Variants in CDC42BPA observed in about 807,000 individuals in gnomAD.
The protein encoded by CDC42BPA is serine/threonine-protein kinase MRCK alpha.
Under a neutral mutation model 223.5 loss-of-function variants are expected in CDC42BPA, and 80 were observed. That is an observed-to-expected ratio of 0.36 (90% CI 0.30 to 0.43). CDC42BPA has a LOEUF of 0.43. CDC42BPA is among the 20% of genes least tolerant of loss of function. The probability of loss-of-function intolerance (pLI) is 1.00; values close to 1 mark genes in which losing one functional copy is unlikely to be tolerated. For missense variants in CDC42BPA, 1,743 were observed against 2,099.9 expected, an observed-to-expected ratio of 0.83 and a Z score of 3.32; for synonymous variants, 694 against 718.6, an observed-to-expected ratio of 0.97 and a Z score of 0.55.
At chr1:227,239,995 T>C (rs1243226093) in intron 2 of CDC42BPA, among the ~76,000 whole-genome samples, 2 of 152,110 alleles carry the variant, frequency 1.3e-5, no homozygotes, top group South Asian at 2.1e-4. Flanking sequence ...AATCCTATTA[T>C]CAGACAGCAG....
intron 2 of CDC42BPA, among the ~76,000 whole-genome samples, chr1:227,237,811 C>T (rs933728795): frequency 3.5e-4 from 53 of 151,426 alleles, no homozygotes; most frequent in South Asian, 1.5e-3. Context: ...GAGGCCGAGG[C>T]GGGCGGATCA....
chr1:227,025,823 C>T (rs971854878), intron 31 of CDC42BPA, among the ~76,000 whole-genome samples: 1 of 152,072 alleles, frequency 6.6e-6, no homozygotes, highest in Non-Finnish European at 1.5e-5. Context: ...ATAATAATAA[C>T]AATCATACTT....
Position 226,994,778 on chromosome 1 carries a change from C to T in CDC42BPA, c.5133+45G>A. ...TGGTGGGATTGCCTGGGAAGATGCC[C>T]TAGTCTTTCTGATACATGACGTCTC... On this transcript the variant is annotated intron_variant, in intron 36 of 36. Coordinates refer to ENST00000366766, the MANE Select transcript of CDC42BPA (RefSeq NM_001394014.1). This position sits in a 1 kb window ranked among gnomAD's most constrained non-coding sequence, Gnocchi z 4.0. The T allele has an allele frequency of 1.3e-6, 2 of 1,553,140 alleles. No homozygotes were observed. Among genetic ancestry groups the T allele is most frequent in the East Asian group, 2.3e-5 (1 of 43,898 alleles).
At chr1:227,035,888 T>A (rs367981983) in intron 24 of CDC42BPA, among the ~76,000 whole-genome samples, 21 of 152,326 alleles carry the variant, frequency 1.4e-4, no homozygotes, top group South Asian at 8.3e-4. Flanking sequence ...ACCTTGTGAA[T>A]AAAATGATTG....
chr1:227,142,723 G>A (rs1194807263), intron 9 of CDC42BPA, among the ~76,000 whole-genome samples: 2 of 151,968 alleles, frequency 1.3e-5, no homozygotes, highest in Non-Finnish European at 2.9e-5. Context: ...AGGTTCAAGT[G>A]ATTCTCCTGC....
chr1:227,121,287 A>G (rs1283901985), intron 11 of CDC42BPA, among the ~76,000 whole-genome samples: 1 of 152,234 alleles, frequency 6.6e-6, no homozygotes, highest in African/African-American at 2.4e-5. Flanking sequence ...ACCAGTGCAC[A>G]AAGTGTTGTA....
At chr1:227,190,403 G>C (rs1002308713) in intron 5 of CDC42BPA, among the ~76,000 whole-genome samples, 4 of 152,158 alleles carry the variant, frequency 2.6e-5, no homozygotes, top group Non-Finnish European at 5.9e-5. Flanking sequence ...ATTTGTGTTA[G>C]AATACAGTGA....
chr1:227,229,434 AG>A (rs1677433865), intron 2 of CDC42BPA, among the ~76,000 whole-genome samples: 1 of 152,180 alleles, frequency 6.6e-6, no homozygotes, highest in Non-Finnish European at 1.5e-5. Flanking sequence ...TTTTGAAATC[AG>A]GAAGTGTGAG....
At chr1:227,026,190 T>C in intron 30 of CDC42BPA, 38 bp from the exon 31 acceptor site, 1 of 1,135,336 alleles carries the variant, frequency 8.8e-7, no homozygotes, top group Non-Finnish European at 1.3e-6. Flanking sequence ...GCGGATTACT[T>C]TTAACTATTA....
chr1:227,211,337 T>C (rs1673856636), intron 3 of CDC42BPA, among the ~76,000 whole-genome samples: 1 of 152,082 alleles, frequency 6.6e-6, no homozygotes, highest in Non-Finnish European at 1.5e-5. Context: ...AGTATAATCT[T>C]TATGGAAAAC....
chr1:227,061,431 T>C (rs1675906657), intron 21 of CDC42BPA, among the ~76,000 whole-genome samples: 2 of 152,246 alleles, frequency 1.3e-5, no homozygotes, highest in East Asian at 1.9e-4. Context: ...ATTTTAAAGA[T>C]GTAGAAGATG....
intron 35 of CDC42BPA, among the ~76,000 whole-genome samples, chr1:226,997,319 TTTA>T (rs1252834171): frequency 6.6e-6 from 1 of 152,326 alleles, no homozygotes; most frequent in South Asian, 2.1e-4. Context: ...TTATCATTTT[TTTA>T]TTATGTCTAT....
intron 2 of CDC42BPA, among the ~76,000 whole-genome samples, chr1:227,252,078 T>G (rs1682111667): frequency 6.6e-6 from 1 of 151,944 alleles, no homozygotes; most frequent in South Asian, 2.1e-4. Flanking sequence ...AAACACAGGT[T>G]TGAAAAGAAG....
At chr1:227,040,834 C>T (rs1671215248) in intron 23 of CDC42BPA, among the ~76,000 whole-genome samples, 1 of 152,042 alleles carries the variant, frequency 6.6e-6, no homozygotes, top group Non-Finnish European at 1.5e-5. Flanking sequence ...TTGAATACAC[C>T]ATAGTTAAAG....
At chr1:227,088,085 T>C (rs1682335071) in intron 16 of CDC42BPA, among the ~76,000 whole-genome samples, 1 of 152,230 alleles carries the variant, frequency 6.6e-6, no homozygotes, top group African/African-American at 2.4e-5. Flanking sequence ...AGTTAATCTT[T>C]GCATTATTAC....
chr1:227,299,962 G>A (rs1691332835), intron 1 of CDC42BPA, among the ~76,000 whole-genome samples: 1 of 152,176 alleles, frequency 6.6e-6, no homozygotes, highest in African/African-American at 2.4e-5. Flanking sequence ...TAGTTAGAAA[G>A]CGGACCAGTT....
chr1:227,270,849 G>T (rs1685847713), intron 1 of CDC42BPA, among the ~76,000 whole-genome samples: 1 of 152,092 alleles, frequency 6.6e-6, no homozygotes, highest in South Asian at 2.1e-4. Flanking sequence ...TGTATGTCTG[G>T]CTTATGTCAC....
chr1:227,213,313 C>A, intron 2 of CDC42BPA, 94 bp from the exon 3 acceptor site: 4 of 612,916 alleles, frequency 6.5e-6, no homozygotes, highest in South Asian at 2.3e-5. Context: ...AAAATAAATA[C>A]CAATTATCAA....
At chr1:227,300,476 T>C (rs1415152312) in intron 1 of CDC42BPA, among the ~76,000 whole-genome samples, 8 of 152,158 alleles carry the variant, frequency 5.3e-5, no homozygotes, top group South Asian at 2.1e-4. Flanking sequence ...ACACATACCA[T>C]GGAATACTAC....
Sources: allele counts gnomAD v4.1 joint callset (sites outside exome capture counted in the v4.1 genomes callset), GRCh38; gene constraint gnomAD v4.1.1; non-coding constraint Gnocchi (gnomAD v3.1); transcripts MANE v1.5; gene names NCBI Gene and HGNC (gene_info 2026-07-23, HGNC 2026-07-21).